RMST: variants seen among roughly 807,000 people sequenced by gnomAD.
RMST encodes the protein long intergenic non-protein coding RNA 54.
chr12:97,487,833 A>G (rs1230258212), intron 5 of RMST, among the ~76,000 whole-genome samples: 2 of 152,176 alleles, frequency 1.3e-5, no homozygotes, highest in Non-Finnish European at 2.9e-5. Flanking sequence ...CCAGTAATTC[A>G]CGGTTGAGGT....
chr12:97,469,642 A>G (rs1873661924), intron 5 of RMST, among the ~76,000 whole-genome samples: 1 of 149,186 alleles, frequency 6.7e-6, no homozygotes, highest in African/African-American at 2.4e-5. Flanking sequence ...AGCAGCTGAG[A>G]TGACTTAAAA....
At chr12:97,554,190 G>T (rs1022731108) in intron 11 of RMST, among the ~76,000 whole-genome samples, 16 of 152,044 alleles carry the variant, frequency 1.1e-4, no homozygotes, top group African/African-American at 3.4e-4. Context: ...CCGACCTCAG[G>T]TGATCCATCT....
intron 5 of RMST, among the ~76,000 whole-genome samples, chr12:97,478,066 G>A (rs770129533): frequency 5.9e-5 from 9 of 152,174 alleles, no homozygotes; most frequent in Non-Finnish European, 1.3e-4. Context: ...TTTGCTTTTG[G>A]AGACAGTGGC....
intron 11 of RMST, among the ~76,000 whole-genome samples, chr12:97,547,671 G>A (rs1883037644): frequency 6.6e-6 from 1 of 152,044 alleles, no homozygotes; most frequent in South Asian, 2.1e-4. Context: ...TCATATACCT[G>A]TTGGCCATTC....
chr12:97,515,453 A>T (rs561552954), intron 10 of RMST, among the ~76,000 whole-genome samples: 2 of 152,244 alleles, frequency 1.3e-5, no homozygotes, highest in Non-Finnish European at 2.9e-5. Flanking sequence ...TAAAGTACAG[A>T]ATTACTTTCT....
intron 11 of RMST, among the ~76,000 whole-genome samples, chr12:97,558,022 G>A (rs1033439380): frequency 3.9e-5 from 6 of 152,088 alleles, no homozygotes; most frequent in Non-Finnish European, 5.9e-5. Context: ...CAATCTATTC[G>A]TTGCAATCGT....
intron 10 of RMST, among the ~76,000 whole-genome samples, chr12:97,515,652 C>T (rs1879850194): frequency 6.6e-6 from 1 of 151,956 alleles, no homozygotes; most frequent in African/African-American, 2.4e-5. Context: ...ATCATCATAG[C>T]AATCAATGTT....
intron 10 of RMST, among the ~76,000 whole-genome samples, chr12:97,512,297 G>T (rs752835960): frequency 2.3e-4 from 35 of 152,290 alleles, no homozygotes; most frequent in Non-Finnish European, 4.6e-4. Context: ...AAGGCAGTGG[G>T]GACCCAAAGA....
chr12:97,475,172 G>T lies in RMST; in HGVS notation n.644+9445G>T, dbSNP rs541473528. ...ATCAGTGAGTTTCTACTTCTCAGGTGCATGTTTACTTTTCTAGGCTACATT... is the reference window on the plus strand; with the variant it reads ...ATCAGTGAGTTTCTACTTCTCAGGTTCATGTTTACTTTTCTAGGCTACATT... On this transcript the variant is annotated intron_variant and non_coding_transcript_variant, in intron 5 of 13. Transcript: ENST00000640149. Among the ~76,000 whole-genome samples the T allele has an allele frequency of 5.3e-5, 8 of 152,210 alleles. No individual in the cohort carries two copies. In the East Asian group the frequency reaches 9.6e-4, roughly 18 times the overall value.
At position 97,478,002 on chromosome 12, in the gene RMST, G is replaced by A. The variant is rs186273757; in HGVS notation, n.644+12275G>A. On this transcript the variant is annotated intron_variant and non_coding_transcript_variant, in intron 5 of 13. Transcript: ENST00000640149. ...CAGCTGTGGTTATATCCTTCTAAGT[G>A]AATAGAGCAGAAACAGAAATGAATT... is the stretch of plus-strand genomic sequence containing the variant. Among the ~76,000 whole-genome samples the A allele has an allele frequency of 1.3e-5, 2 of 152,286 alleles. 1 individual carries two copies. The highest frequency in any genetic ancestry group is 1.3e-4 in the Admixed American group (2 of 15,292).
intron 5 of RMST, chr12:97,491,996 T>A (rs1462151475): frequency 3.8e-6 from 2 of 529,460 alleles, no homozygotes; most frequent in Non-Finnish European, 7.8e-6. Flanking sequence ...ACAATGGAAC[T>A]TCTCCCTTGA....
chr12:97,535,722 A>G (rs754168195), intron 11 of RMST, among the ~76,000 whole-genome samples: 3 of 151,602 alleles, frequency 2.0e-5, no homozygotes. Flanking sequence ...ATGAATTTAA[A>G]CCATTTCCAC....
chr12:97,491,982 A>G (rs1418392003), intron 5 of RMST: 1 of 532,532 alleles, frequency 1.9e-6, no homozygotes, highest in Non-Finnish European at 3.9e-6. Context: ...ACATGGCCTG[A>G]TAAACAATGG....
rs949933931 is a variant in RMST, at chr12:97,537,897, A to T, written n.1545+7038A>T. 2.0e-5 allele frequency among the ~76,000 whole-genome samples: 3 copies of T among 151,428 alleles called. No individual in the cohort carries two copies. In the Admixed American group the frequency reaches 2.0e-4, roughly 10 times the overall value. On this transcript the variant is annotated intron_variant and non_coding_transcript_variant, in intron 11 of 13. Transcript: ENST00000640149. ...ATTTTACTCAACTGGAGATATATTC[A>T]TGTGTTTTTTTGTGGGAAACTCATT... is the stretch of plus-strand genomic sequence containing the variant.
intron 5 of RMST, chr12:97,491,740 T>C (rs1191388349): frequency 1.0e-5 from 3 of 291,704 alleles, no homozygotes; most frequent in East Asian, 7.6e-5. Flanking sequence ...CTCATTCTTA[T>C]AGATTCTTTG....
chr12:97,476,761 A>G (rs1487084845), intron 5 of RMST, among the ~76,000 whole-genome samples: 2 of 152,226 alleles, frequency 1.3e-5, no homozygotes, highest in Middle Eastern at 3.2e-3. Flanking sequence ...ATTTATAGCT[A>G]TATAATACCT....
chr12:97,484,180 A>T (rs1418000605), intron 5 of RMST, among the ~76,000 whole-genome samples: 2 of 152,162 alleles, frequency 1.3e-5, no homozygotes, highest in Non-Finnish European at 2.9e-5. Context: ...ATATGTCCTC[A>T]GTTCTTACAG....
At chr12:97,493,365 T>C (rs1260826615) in intron 7 of RMST, 1 of 152,622 alleles carries the variant, frequency 6.6e-6, no homozygotes, top group Non-Finnish European at 1.5e-5. Flanking sequence ...AGACAGGAAA[T>C]AAGTCTGATT....
At chr12:97,502,063 C>T (rs1328489376) in intron 10 of RMST, among the ~76,000 whole-genome samples, 1 of 151,960 alleles carries the variant, frequency 6.6e-6, no homozygotes, top group Non-Finnish European at 1.5e-5. Flanking sequence ...CCAATCATTG[C>T]ATTATATGTG....
Sources: gnomAD v4.1 joint callset for allele counts (sites outside exome capture counted in the v4.1 genomes callset) on GRCh38, gnomAD v4.1.1 for gene constraint, MANE v1.5 for transcripts, NCBI Gene and HGNC (gene_info 2026-07-23, HGNC 2026-07-21) for gene names.